Variants in ARPP21 observed in about 807,000 individuals in gnomAD.
ARPP21 encodes the protein cAMP-regulated phosphoprotein 21.
Under a neutral mutation model 113.2 loss-of-function variants are expected in ARPP21, and 69 were observed. The ratio of observed to expected loss-of-function variants is 0.61; its 90% CI spans 0.50 to 0.74. The LOEUF is 0.74. Among genes scored for constraint, ARPP21 ranks in the 30% least tolerant of loss-of-function variants. ARPP21 has a pLI of 0.00. For missense variants in ARPP21, 1,070 were observed against 1,037.4 expected, an observed-to-expected ratio of 1.03 and a Z score of -0.43; for synonymous variants, 368 against 375.5, an observed-to-expected ratio of 0.98 and a Z score of 0.23.
At chr3:35,699,653 A>T (rs1055885807) in intron 9 of ARPP21, among the ~76,000 whole-genome samples, 5 of 151,670 alleles carry the variant, frequency 3.3e-5, no homozygotes, top group Non-Finnish European at 7.4e-5. Flanking sequence ...CAAGCCAGAA[A>T]AATGAAAAAA....
chr3:35,670,381 GA>G (rs968563787), intron 1 of ARPP21, among the ~76,000 whole-genome samples: 50 of 149,810 alleles, frequency 3.3e-4, no homozygotes, highest in East Asian at 2.9e-3. Context: ...GTTTAAAAAG[GA>G]AAAAAAAAGG....
At chr3:35,717,213 T>A (rs2092528818) in intron 12 of ARPP21, 85 bp from the exon 13 acceptor site, 1 of 745,410 alleles carries the variant, frequency 1.3e-6, no homozygotes, top group South Asian at 1.6e-5. Context: ...TGATTTGTGC[T>A]GTAGTAGAGT....
At position 35,679,069 on chromosome 3, in the gene ARPP21, A is replaced by G. The variant is rs533730762; in HGVS notation, c.-212-718A>G. On this transcript the variant is annotated intron_variant, in intron 1 of 20. Coordinates refer to ENST00000684406, the MANE Select transcript of ARPP21 (RefSeq NM_001385562.1). Reference sequence around the variant, plus strand: ...GTTTTCAACAGGCTTGAAGTTTGCAAATCTGCTGAATCCCTCTGTCAGTGT... The same window carrying G: ...GTTTTCAACAGGCTTGAAGTTTGCAGATCTGCTGAATCCCTCTGTCAGTGT... 7.6e-4 allele frequency among the ~76,000 whole-genome samples: 115 copies of G among 152,034 alleles called. No homozygotes were observed. The Middle Eastern group carries it at 0.017, about 22-fold the overall frequency.
At chr3:35,675,381 T>C (rs1377552732) in intron 1 of ARPP21, among the ~76,000 whole-genome samples, 1 of 151,872 alleles carries the variant, frequency 6.6e-6, no homozygotes, top group African/African-American at 2.4e-5. Flanking sequence ...TTTTCTAGCA[T>C]GGGAGCAGAG....
chr3:35,762,126 T>TCACACACACACACACACACA (rs371775285), intron 19 of ARPP21, among the ~76,000 whole-genome samples: 7 of 127,036 alleles, frequency 5.5e-5, no homozygotes, highest in African/African-American at 1.9e-4. Flanking sequence ...TCTCTCTCTC[T>TCACACACACACACACACACA]CACACACACA....
At chr3:35,718,682 G>C (rs1029767801) in intron 13 of ARPP21, among the ~76,000 whole-genome samples, 10 of 152,094 alleles carry the variant, frequency 6.6e-5, no homozygotes, top group African/African-American at 2.4e-4. Context: ...TCAAGATGTA[G>C]ATCATCCCTA....
intron 15 of ARPP21, among the ~76,000 whole-genome samples, chr3:35,732,209 T>C (rs1038716618): frequency 6.6e-6 from 1 of 151,928 alleles, no homozygotes; most frequent in African/African-American, 2.4e-5. Context: ...CTGCCAATCA[T>C]GTGCCTACTA....
At chr3:35,793,355 T>C (rs1464748380) in intron 20 of ARPP21, among the ~76,000 whole-genome samples, 1 of 152,190 alleles carries the variant, frequency 6.6e-6, no homozygotes, top group Non-Finnish European at 1.5e-5. Context: ...GTGGAAGATC[T>C]AGACTATAGT....
At chr3:35,725,140 G>C (rs1381934886) in intron 14 of ARPP21, among the ~76,000 whole-genome samples, 1 of 152,122 alleles carries the variant, frequency 6.6e-6, no homozygotes, top group Non-Finnish European at 1.5e-5. Context: ...AGAGGAAATT[G>C]GGTGATGTGA....
At chr3:35,749,900 G>C (rs1039526727) in intron 19 of ARPP21, among the ~76,000 whole-genome samples, 2 of 151,918 alleles carry the variant, frequency 1.3e-5, no homozygotes, top group African/African-American at 4.8e-5. Context: ...GATATGTTGT[G>C]ATATCCTGTT....
At chr3:35,672,488 T>C (rs542493409) in intron 1 of ARPP21, among the ~76,000 whole-genome samples, 2 of 152,050 alleles carry the variant, frequency 1.3e-5, no homozygotes, top group Non-Finnish European at 2.9e-5. Context: ...TCTTGGCCTT[T>C]AGGTGGAGGA....
chr3:35,746,572 C>T (rs908311287), intron 19 of ARPP21, among the ~76,000 whole-genome samples: 1 of 152,166 alleles, frequency 6.6e-6, no homozygotes, highest in African/African-American at 2.4e-5. Flanking sequence ...CTTGTTCTTC[C>T]TCCTGCCTCC....
At chr3:35,676,572 A>G (rs949378170) in intron 1 of ARPP21, among the ~76,000 whole-genome samples, 9 of 102,188 alleles carry the variant, frequency 8.8e-5, no homozygotes, top group Non-Finnish European at 1.7e-4. Flanking sequence ...ATGCCTGCAC[A>G]TGAGGTTGAG....
chr3:35,691,901 C>A (rs556927541), intron 9 of ARPP21, among the ~76,000 whole-genome samples: 1 of 151,358 alleles, frequency 6.6e-6, no homozygotes, highest in South Asian at 2.1e-4. Flanking sequence ...CTGAAGGGAG[C>A]TTTTGTGTCA....
chr3:35,684,168 T>C, intron 5 of ARPP21: 1 of 1,382,856 alleles, frequency 7.2e-7, no homozygotes, highest in Non-Finnish European at 9.4e-7. Context: ...CCTCTCTCCT[T>C]CCTTGTTGGA....
intron 9 of ARPP21, among the ~76,000 whole-genome samples, chr3:35,704,195 C>T (rs2087710079): frequency 6.6e-6 from 1 of 151,468 alleles, no homozygotes. Flanking sequence ...TTGAGAAAAA[C>T]CTAAGGTGTT....
intron 1 of ARPP21, among the ~76,000 whole-genome samples, chr3:35,663,928 A>G (rs931659690): frequency 3.9e-5 from 6 of 152,172 alleles, no homozygotes; most frequent in Non-Finnish European, 8.8e-5. Context: ...TGTTTGCTTT[A>G]GTTTTGTAAT....
At chr3:35,668,011 G>GAAGAAGGAGAAGAAGAAGA (rs2075238006) in intron 1 of ARPP21, among the ~76,000 whole-genome samples, 1 of 149,984 alleles carries the variant, frequency 6.7e-6, no homozygotes, top group Non-Finnish European at 1.5e-5. Context: ...AGAAGAAGAA[G>GAAGAAGGAGAAGAAGAAGA]AAGAAGAAGA....
chr3:35,660,459 C>G (rs1267348589), intron 1 of ARPP21, among the ~76,000 whole-genome samples: 1 of 152,168 alleles, frequency 6.6e-6, no homozygotes, highest in East Asian at 1.9e-4. Flanking sequence ...CATAAAAGTG[C>G]ACCTCACTTT....
Sources: allele counts gnomAD v4.1 joint callset (sites outside exome capture counted in the v4.1 genomes callset), GRCh38; gene constraint gnomAD v4.1.1; transcripts MANE v1.5; gene names NCBI Gene and HGNC (gene_info 2026-07-23, HGNC 2026-07-21).